Variants in NRG2 observed in about 807,000 individuals in gnomAD.
The protein encoded by NRG2 is pro-neuregulin-2, membrane-bound isoform.
A neutral mutation model predicts 73.9 loss-of-function variants in NRG2; 27 were observed. The ratio of observed to expected loss-of-function variants is 0.37; its 90% CI spans 0.27 to 0.50. NRG2 has a LOEUF of 0.50. NRG2 is among the 20% of genes least tolerant of loss of function. The pLI is 0.96. For synonymous variants in NRG2, 532 were observed against 541.0 expected, an observed-to-expected ratio of 0.98 and a Z score of 0.23; for missense variants, 1,126 against 1,210.1, an observed-to-expected ratio of 0.93 and a Z score of 1.03.
chr5:139,964,358 A>G (rs1240865997), intron 1 of NRG2, among the ~76,000 whole-genome samples: 1 of 55,408 alleles, frequency 1.8e-5, no homozygotes, highest in Non-Finnish European at 3.6e-5. Flanking sequence ...AAATACAGAT[A>G]CACACACACA....
chr5:139,986,061 C>G (rs1366561582), intron 1 of NRG2, among the ~76,000 whole-genome samples: 7 of 152,186 alleles, frequency 4.6e-5, no homozygotes. Context: ...CACATGTTTA[C>G]CCCAGCTCCA....
chr5:139,980,649 T>C (rs1426209592), intron 1 of NRG2, among the ~76,000 whole-genome samples: 1 of 152,084 alleles, frequency 6.6e-6, no homozygotes, highest in African/African-American at 2.4e-5. Context: ...CAATGAGCTC[T>C]GTGGGGAAAG....
intron 1 of NRG2, among the ~76,000 whole-genome samples, chr5:139,889,408 G>GTC (rs1764071073): frequency 6.6e-6 from 1 of 152,022 alleles, no homozygotes; most frequent in African/African-American, 2.4e-5. Flanking sequence ...TAAAAAACAA[G>GTC]TCTCTCTCTA....
intron 1 of NRG2, among the ~76,000 whole-genome samples, chr5:139,955,514 G>C (rs1754554198): frequency 1.3e-5 from 2 of 152,284 alleles, no homozygotes; most frequent in Middle Eastern, 3.4e-3. Flanking sequence ...TAGGACACTG[G>C]GGCCCAGTCC....
Position 139,855,685 on chromosome 5 carries a change from C to A in NRG2, c.1283G>T (p.Cys428Phe). Reference sequence around the variant, plus strand: ...AGTGACTGACACTCACTTGGTCTTGCAGTAGGCCACCACACAGACGATGCC... The same window carrying A: ...AGTGACTGACACTCACTTGGTCTTGAAGTAGGCCACCACACAGACGATGCC... ...VVGIVCVVAY[C>F]KTKKQRKQMH... Residue 428 changes from cysteine to phenylalanine, a missense_variant, in exon 6 of 10, where the codon TGC becomes TTC. By Grantham distance (205) the Cys-to-Phe change is radical (BLOSUM62 -2). This residue lies in a region of NRG2 where 539 missense variants were observed against 703.2 expected (regional missense o/e 0.77). Transcript: ENST00000361474. 1 of 1,613,850 alleles carries A rather than the reference C, an allele frequency of 6.2e-7. No individual in the cohort carries two copies.
chr5:140,004,572 A>C (rs1195975026), intron 1 of NRG2, among the ~76,000 whole-genome samples: 1 of 152,246 alleles, frequency 6.6e-6, no homozygotes, highest in Non-Finnish European at 1.5e-5. Context: ...AGTTCACTTC[A>C]ATAATGAGAA....
rs574416289 is a variant in NRG2 at position 139,894,363 on chromosome 5, C to T, written c.701-6852G>A. On this transcript the variant is annotated intron_variant, in intron 1 of 9. Coordinates refer to ENST00000361474, the MANE Select transcript of NRG2 (RefSeq NM_004883.3). The surrounding 1 kb of genome is among the most constrained non-coding windows in gnomAD (Gnocchi z 5.0). Reference sequence around the variant, plus strand: ...TTCCCACTGTCCTGCTGCTGGCCAGCTGCAGGCCAGCCCCCTTCCCACCCC... The same window carrying T: ...TTCCCACTGTCCTGCTGCTGGCCAGTTGCAGGCCAGCCCCCTTCCCACCCC... Among the ~76,000 whole-genome samples the T allele has an allele frequency of 3.3e-5, 5 of 152,152 alleles. No homozygotes were observed. The South Asian group carries it at 8.3e-4, about 25-fold the overall frequency.
chr5:139,859,431 A>C (rs1762001374), intron 5 of NRG2, among the ~76,000 whole-genome samples: 2 of 152,332 alleles, frequency 1.3e-5, no homozygotes, highest in South Asian at 4.1e-4. Context: ...GAAATGGGGA[A>C]TGGAAAGAAG....
intron 1 of NRG2, among the ~76,000 whole-genome samples, chr5:139,966,162 G>A (rs1755498883): frequency 6.6e-6 from 1 of 152,102 alleles, no homozygotes; most frequent in African/African-American, 2.4e-5. Flanking sequence ...GAACCTCGGT[G>A]CACTATGCTC....
chr5:139,979,433 G>A (rs1345182350), intron 1 of NRG2, among the ~76,000 whole-genome samples: 3 of 152,132 alleles, frequency 2.0e-5, no homozygotes, highest in South Asian at 2.1e-4. Context: ...AATGAGAGAC[G>A]TGGTCGGCAG....
intron 1 of NRG2, among the ~76,000 whole-genome samples, chr5:139,985,980 C>CCA (rs1757145951): frequency 6.6e-6 from 1 of 152,122 alleles, no homozygotes; most frequent in African/African-American, 2.4e-5. Context: ...GCTCCCAGGG[C>CCA]TATATTTAGG....
In NRG2 at chr5:140,043,243, G is replaced by T; in HGVS notation, c.-174C>A. 1.6e-6 allele frequency: 1 copy of T among 613,316 alleles called. No homozygotes were observed. Among genetic ancestry groups the T allele is most frequent in the Non-Finnish European group, 2.7e-6 (1 of 365,412 alleles). 38.0% of individuals were successfully genotyped at this position (613,316 alleles called of 1,614,324 possible). On this transcript the variant is annotated 5_prime_UTR_variant, in exon 1 of 10. Transcript: ENST00000361474. This position sits in a 1 kb window ranked among gnomAD's most constrained non-coding sequence, Gnocchi z 6.7. ...GGGCAGGCGGCAAGCGGGCCGCGAT[G>T]CGCAGCGCGGCGCAGCGCAGCGCTC...
intron 1 of NRG2, among the ~76,000 whole-genome samples, chr5:139,967,085 C>T (rs1302211514): frequency 1.3e-5 from 2 of 152,172 alleles, no homozygotes; most frequent in East Asian, 3.8e-4. Flanking sequence ...GTGGGAATCA[C>T]ATGTGAGGAG....
chr5:139,999,662 C>T (rs1332254320), intron 1 of NRG2, among the ~76,000 whole-genome samples: 1 of 152,234 alleles, frequency 6.6e-6, no homozygotes, highest in African/African-American at 2.4e-5. Context: ...CCATGCTGAG[C>T]TCCTCCAAAC....
chr5:140,042,813 C>A lies in NRG2; in HGVS notation c.257G>T (p.Arg86Leu), dbSNP rs1371422695. 7 of 1,493,212 alleles carry A rather than the reference C, an allele frequency of 4.7e-6. No individual in the cohort carries two copies. Among genetic ancestry groups the A allele is most frequent in the Non-Finnish European group, 6.2e-6 (7 of 1,124,758 alleles). 92.5% of individuals were successfully genotyped at this position (1,493,212 alleles called of 1,614,324 possible). A position where few individuals can be genotyped will look rare whatever the true frequency, so the allele number is the denominator to read the frequency against. ...CCTCATGCCGCCGGCGGCTGCGGCTCGCGAACGGGCGGCGGCTCTCCGGGC... is the reference window on the plus strand; with the variant it reads ...CCTCATGCCGCCGGCGGCTGCGGCTAGCGAACGGGCGGCGGCTCTCCGGGC... The part of the protein sequence containing the change: ...PAARRAAARS[R>L]AAAAGGMRRD... The change falls in exon 1 of 10, where the codon CGA (arginine) becomes CTA (leucine). Residue 86 changes from arginine to leucine, a missense_variant. Around this residue, in one of 3 missense-constraint regions of NRG2, gnomAD observed 185 missense variants for 149.0 expected, o/e 1.24. Coordinates refer to ENST00000361474, the MANE Select transcript of NRG2 (RefSeq NM_004883.3).
chr5:139,868,787 T>C lies in NRG2; in HGVS notation c.1112+2934A>G, dbSNP rs1174147513. Among the ~76,000 whole-genome samples the C allele has an allele frequency of 1.3e-5, 2 of 151,278 alleles. No homozygotes were observed. Among genetic ancestry groups the C allele is most frequent in the Admixed American group, 1.3e-4 (2 of 15,212 alleles). ...AGGGAGTGAAGGGCCTCTGAGTTCA[T>C]GAGAGGGGTGAAGATGTGGCGAGGA... On this transcript the variant is annotated intron_variant, in intron 4 of 9. Coordinates refer to ENST00000361474, the MANE Select transcript of NRG2 (RefSeq NM_004883.3). The surrounding 1 kb of genome is among the most constrained non-coding windows in gnomAD (Gnocchi z 4.2).
chr5:139,939,094 A>T (rs2126415984), intron 1 of NRG2, among the ~76,000 whole-genome samples: 1 of 152,114 alleles, frequency 6.6e-6, no homozygotes, highest in East Asian at 1.9e-4. Flanking sequence ...ATCACACCAT[A>T]CACAAAAATT....
chr5:139,974,385 G>A (rs1756215220), intron 1 of NRG2, among the ~76,000 whole-genome samples: 1 of 152,082 alleles, frequency 6.6e-6, no homozygotes, highest in Non-Finnish European at 1.5e-5. Context: ...GAGGCAGCAG[G>A]GTACCCCAAA....
intron 1 of NRG2, among the ~76,000 whole-genome samples, chr5:139,937,594 T>C (rs1420232526): frequency 1.3e-5 from 2 of 152,102 alleles, no homozygotes; most frequent in Non-Finnish European, 2.9e-5. Flanking sequence ...AGTAAGTGAG[T>C]TTAGCAAGGT....
Sources: gnomAD v4.1 joint callset for allele counts (sites outside exome capture counted in the v4.1 genomes callset) on GRCh38, gnomAD v4.1.1 for gene constraint, gnomAD v4.1.1 regional missense constraint, Gnocchi (gnomAD v3.1) non-coding constraint, MANE v1.5 for transcripts, NCBI Gene and HGNC (gene_info 2026-07-23, HGNC 2026-07-21) for gene names.